Variants in FKBP6 observed in about 807,000 individuals in gnomAD.
FKBP6 encodes FKBP prolyl isomerase family member 6 (inactive), also known as inactive peptidyl-prolyl cis-trans isomerase FKBP6.
FKBP6 carries 29 observed loss-of-function variants against 41.7 expected under a neutral mutation model. The ratio of observed to expected loss-of-function variants is 0.70; its 90% CI spans 0.52 to 0.95. FKBP6 has a LOEUF of 0.95. Ranked by LOEUF, FKBP6 falls within the 40% of genes least tolerant of loss-of-function variation. The pLI is 0.00. For synonymous variants in FKBP6, 130 were observed against 165.1 expected (o/e 0.79, Z 1.63); for missense variants, 338 against 408.7 (o/e 0.83, Z 1.49).
chr7:73,336,338 T>G (rs1376872965), intron 5 of FKBP6, among the ~76,000 whole-genome samples: 2 of 152,168 alleles, frequency 1.3e-5, no homozygotes, highest in African/African-American at 4.8e-5. Flanking sequence ...GGTAGATTCC[T>G]AGTCAGAAAC....
intron 8 of FKBP6, among the ~76,000 whole-genome samples, chr7:73,353,838 AT>A (rs1326410434): frequency 6.6e-6 from 1 of 151,800 alleles, no homozygotes; most frequent in Non-Finnish European, 1.5e-5. Flanking sequence ...GGTTCAAGCA[AT>A]TCTTCTGCCT....
chr7:73,343,601 TG>T (rs1805256710), intron 8 of FKBP6, among the ~76,000 whole-genome samples: 1 of 152,162 alleles, frequency 6.6e-6, no homozygotes, highest in East Asian at 1.9e-4. Context: ...TTGAAGATGC[TG>T]AAAGCAACAG....
At chr7:73,332,282 G>C (rs1487548460) in intron 5 of FKBP6, among the ~76,000 whole-genome samples, 1 of 151,890 alleles carries the variant, frequency 6.6e-6, no homozygotes, top group Non-Finnish European at 1.5e-5. Context: ...TCAGGAGTTT[G>C]AGACCAGCCT....
chr7:73,332,829 G>C (rs968905588), intron 5 of FKBP6, among the ~76,000 whole-genome samples: 4 of 152,158 alleles, frequency 2.6e-5, no homozygotes, highest in African/African-American at 9.7e-5. Context: ...CCACCCCTTT[G>C]CCATCATCAT....
rs2115909278 is a variant in FKBP6 at position 73,342,843 on chromosome 7, G to A, written c.930G>A (p.Met310Ile). 1.2e-6 allele frequency: 2 copies of A among 1,614,054 alleles called. No homozygotes were observed. Among genetic ancestry groups the A allele is most frequent in the East Asian group, 4.5e-5 (2 of 44,890 alleles). ...ACTATGTGGATAAAGAGAAAGAAAT[G>A]TGGCACCGCATGTTCGCGCCCTGTG... ...YRDYVDKEKE[M>I]WHRMFAPCGD... is the part of the protein sequence containing the mutation. Residue 310 changes from methionine to isoleucine, a missense_variant, in exon 8 of 9, where the codon ATG becomes ATA. This residue lies in a region of FKBP6 where 239 missense variants were observed against 250.1 expected (regional missense o/e 0.96). Transcript: ENST00000252037.
At chr7:73,349,653 G>T (rs1805434330) in intron 8 of FKBP6, among the ~76,000 whole-genome samples, 1 of 147,204 alleles carries the variant, frequency 6.8e-6, no homozygotes, top group Non-Finnish European at 1.5e-5. Flanking sequence ...GGCAGAAGTT[G>T]CAGTGAGGTC....
rs183605932 is a variant in FKBP6, at chr7:73,354,224, C to T, written c.*3-3957C>T. 2.4e-3 allele frequency among the ~76,000 whole-genome samples: 373 copies of T among 152,320 alleles called. 2 individuals carry two copies. Among genetic ancestry groups the T allele is most frequent in the Middle Eastern group, 0.01 (3 of 294 alleles). On this transcript the variant is annotated intron_variant, in intron 8 of 8. Transcript: ENST00000252037. ...GGGCTCCAGACCACTCAGCTCCATG[C>T]GCATTCTCATGGGACTAGGTGGCCA...
chr7:73,329,508 A>G, intron 3 of FKBP6, 59 bp downstream of exon 3: 1 of 1,043,376 alleles, frequency 9.6e-7, no homozygotes, highest in Non-Finnish European at 1.5e-6. Flanking sequence ...ATGAGGCACG[A>G]TGCCTCAGGC....
At chr7:73,339,304 C>T (rs1374917422) in intron 5 of FKBP6, 3 of 152,166 alleles carry the variant, frequency 2.0e-5, no homozygotes, top group Non-Finnish European at 2.9e-5. Context: ...GATAGTCTCT[C>T]GTCCCAGCAT....
At chr7:73,332,863 T>A (rs1554547931) in intron 5 of FKBP6, among the ~76,000 whole-genome samples, 1 of 152,234 alleles carries the variant, frequency 6.6e-6, no homozygotes, top group East Asian at 1.9e-4. Flanking sequence ...CAGTGGAGGC[T>A]CATTTGGCGA....
At chr7:73,349,563 A>AC (rs1311750349) in intron 8 of FKBP6, among the ~76,000 whole-genome samples, 4 of 149,580 alleles carry the variant, frequency 2.7e-5, no homozygotes, top group African/African-American at 9.9e-5. Context: ...AAAAAAAAAA[A>AC]AAAATACAGG....
chr7:73,357,717 G>C (rs1805674455), intron 8 of FKBP6, among the ~76,000 whole-genome samples: 1 of 152,068 alleles, frequency 6.6e-6, no homozygotes, highest in African/African-American at 2.4e-5. Flanking sequence ...GGAAAGGGTA[G>C]CTCACGCCTG....
chr7:73,345,679 G>C (rs1195718368), intron 8 of FKBP6, among the ~76,000 whole-genome samples: 1 of 152,202 alleles, frequency 6.6e-6, no homozygotes, highest in Non-Finnish European at 1.5e-5. Flanking sequence ...TACAACAGGT[G>C]AAATTTGTTC....
chr7:73,352,616 A>G (rs782437661), intron 8 of FKBP6, among the ~76,000 whole-genome samples: 6 of 152,110 alleles, frequency 3.9e-5, no homozygotes, highest in Non-Finnish European at 8.8e-5. Context: ...ATGCTCCCCT[A>G]CGCTCCCAAG....
chr7:73,337,701 A>AT (rs1234122966), intron 5 of FKBP6, among the ~76,000 whole-genome samples: 1 of 150,802 alleles, frequency 6.6e-6, no homozygotes, highest in Non-Finnish European at 1.5e-5. Context: ...TTGTTTTACT[A>AT]TTTTTTTTCT....
chr7:73,336,837 T>C, intron 5 of FKBP6: 1 of 455,930 alleles, frequency 2.2e-6, no homozygotes, highest in Non-Finnish European at 4.4e-6. Flanking sequence ...GTTGTGCAAA[T>C]AGAAGAAAAA....
At chr7:73,342,699 C>T (rs1805224953) in intron 7 of FKBP6, 108 bp from the exon 8 acceptor site, 1 of 825,062 alleles carries the variant, frequency 1.2e-6, no homozygotes, top group African/African-American at 1.7e-5. Flanking sequence ...CAGTTTGAGT[C>T]CTGATAAATT....
At chr7:73,341,116 G>A (rs1583811513) in intron 6 of FKBP6, among the ~76,000 whole-genome samples, 157 bp from the exon 7 acceptor site, 1 of 151,996 alleles carries the variant, frequency 6.6e-6, no homozygotes, top group Non-Finnish European at 1.5e-5. Flanking sequence ...TAGAGATAGG[G>A]TTTTGCCGTG....
chr7:73,329,860 G>C, intron 3 of FKBP6: 1 of 543,030 alleles, frequency 1.8e-6, no homozygotes, highest in East Asian at 3.3e-5. Flanking sequence ...TGCCTGGGAG[G>C]TGAAAGCAGT....
Sources: allele counts gnomAD v4.1 joint callset (sites outside exome capture counted in the v4.1 genomes callset), GRCh38; gene constraint gnomAD v4.1.1; regional missense constraint gnomAD v4.1.1; transcripts MANE v1.5; gene names NCBI Gene and HGNC (gene_info 2026-07-23, HGNC 2026-07-21).